Variants in P2RY12 observed in about 807,000 individuals in gnomAD.
The protein encoded by P2RY12 is P2Y purinoceptor 12.
In P2RY12, 3 loss-of-function variants were observed where a neutral mutation model predicts 4.5. That is an observed-to-expected ratio of 0.67 (90% CI 0.31 to 1.74). The LOEUF (loss-of-function observed/expected upper bound fraction) is 1.74, where lower values mean the gene tolerates loss of function less well. Among genes scored for constraint, P2RY12 ranks in the 40% most tolerant of loss-of-function variants. The pLI, the probability that P2RY12 is intolerant of heterozygous loss-of-function variation, is 0.09. For missense variants in P2RY12, 356 were observed against 407.8 expected (o/e 0.87, Z 1.09); for synonymous variants, 148 against 154.1 (o/e 0.96, Z 0.29).
intron 1 of P2RY12, among the ~76,000 whole-genome samples, chr3:151,343,581 G>A (rs1752148133): frequency 6.6e-6 from 1 of 152,154 alleles, no homozygotes; most frequent in African/African-American, 2.4e-5. Flanking sequence ...ATGAATAGAA[G>A]CAGAGCAAGT....
Position 151,338,443 on chromosome 3 carries a change from G to T in P2RY12, c.403C>A (p.Pro135Thr). 6.2e-7 allele frequency: 1 copy of T among 1,613,974 alleles called. No individual in the cohort carries two copies. Among genetic ancestry groups the T allele is most frequent in the Non-Finnish European group, 8.5e-7 (1 of 1,180,004 alleles). Residue 135 changes from proline to threonine, a missense_variant, in exon 3 of 3, where the codon CCC (proline) becomes ACC (threonine). Physicochemically the swap from Pro to Thr is conservative, Grantham distance 38. Coordinates refer to ENST00000302632, the MANE Select transcript of P2RY12 (RefSeq NM_022788.5). Reference protein sequence around the residue: ...KTTRPFKTSNPKNLLGAKILS... With the variant: ...KTTRPFKTSNTKNLLGAKILS... ...ATCTTAGCCCCCAAGAGATTTTTGG[G>T]GTTGGATGTTTTAAATGGCCTGGTG...
chr3:151,342,028 C>T (rs1211779951), intron 1 of P2RY12, among the ~76,000 whole-genome samples: 1 of 152,126 alleles, frequency 6.6e-6, no homozygotes, highest in African/African-American at 2.4e-5. Flanking sequence ...AATAGTGCCG[C>T]AATAAACATA....
intron 1 of P2RY12, among the ~76,000 whole-genome samples, chr3:151,345,517 C>CTTTTTTTTTTTTTTT (rs201731496): frequency 2.3e-5 from 3 of 131,642 alleles, no homozygotes; most frequent in Non-Finnish European, 3.3e-5. Flanking sequence ...TTTTCTTTTT[C>CTTTTTTTTTTTTTTT]TTTTTTTTTT....
intron 1 of P2RY12, chr3:151,380,185 G>A: frequency 6.2e-7 from 1 of 1,610,128 alleles, no homozygotes; most frequent in Non-Finnish European, 8.5e-7. Flanking sequence ...ATGAACAAAG[G>A]GAAGGCCTCC....
Position 151,350,232 on chromosome 3 carries a change from C to A in P2RY12, c.-179-9472G>T, listed in dbSNP as rs1753052957. 5 of 1,607,044 alleles carry A rather than the reference C, an allele frequency of 3.1e-6. 1 individual carries two copies. The highest frequency in any genetic ancestry group is 3.3e-4 in the Middle Eastern group (2 of 6,028). ...GTAAAGAACCTTAATGCATTTGCTCCCATTGTGTTGCCTTTTGCCTTCCCT... is the reference window on the plus strand; with the variant it reads ...GTAAAGAACCTTAATGCATTTGCTCACATTGTGTTGCCTTTTGCCTTCCCT... On this transcript the variant is annotated intron_variant, in intron 1 of 2. Coordinates refer to ENST00000302632, the MANE Select transcript of P2RY12 (RefSeq NM_022788.5).
chr3:151,368,624 T>C lies in P2RY12; in HGVS notation c.-180+16068A>G, dbSNP rs77846296. On this transcript the variant is annotated intron_variant, in intron 1 of 2. Transcript: ENST00000302632. Reference sequence around the variant, plus strand: ...TATTTTATTTTATTTTATTTTATTTTATTTTATTTCATTTCATTTCATTTC... The same window carrying C: ...TATTTTATTTTATTTTATTTTATTTCATTTTATTTCATTTCATTTCATTTC... Among the ~76,000 whole-genome samples, 233 of 85,498 alleles carry C rather than the reference T, an allele frequency of 2.7e-3. 7 individuals are homozygous for C. The East Asian group carries it at 0.041, about 15-fold the overall frequency. 56.1% of individuals were successfully genotyped at this position (85,498 alleles called of 152,430 possible). A position where few individuals can be genotyped will look rare whatever the true frequency, so the allele number is the denominator to read the frequency against.
chr3:151,367,790 C>A lies in P2RY12; in HGVS notation c.-180+16902G>T, dbSNP rs3732764. On this transcript the variant is annotated intron_variant, in intron 1 of 2. Transcript: ENST00000302632. ...AGGTAAGGCAGCATCCATGAACATC[C>A]GTTGCTCTTTGATTGTTGTCTTGAT... 0.7 allele frequency: 1,100,427 copies of A among 1,583,232 alleles called. 386,758 individuals are homozygous for A. Among genetic ancestry groups the A allele is most frequent in the African/African-American group, 0.89 (65,951 of 73,928 alleles).
intron 1 of P2RY12, among the ~76,000 whole-genome samples, chr3:151,374,421 G>A (rs1756572736): frequency 6.6e-6 from 1 of 152,136 alleles, no homozygotes; most frequent in Non-Finnish European, 1.5e-5. Context: ...GGTGGCACAT[G>A]CCTGTCATCC....
At chr3:151,375,836 AT>A (rs1017933956) in intron 1 of P2RY12, among the ~76,000 whole-genome samples, 2 of 151,986 alleles carry the variant, frequency 1.3e-5, no homozygotes, top group Non-Finnish European at 2.9e-5. Context: ...TCTACTTTGT[AT>A]TTTTTAGAAG....
chr3:151,346,491 C>A (rs575889944), intron 1 of P2RY12, among the ~76,000 whole-genome samples: 24 of 152,230 alleles, frequency 1.6e-4, no homozygotes, highest in Admixed American at 1.3e-3. Context: ...TTGTGCCCTG[C>A]CACTTAGAGA....
chr3:151,369,032 A>G (rs1372788766), intron 1 of P2RY12, among the ~76,000 whole-genome samples: 1 of 152,130 alleles, frequency 6.6e-6, no homozygotes, highest in Non-Finnish European at 1.5e-5. Context: ...AAGTGCTGGG[A>G]TTACAGGCGT....
rs548720826 is a variant in P2RY12 at position 151,349,125 on chromosome 3, T to A, written c.-179-8365A>T. ...TTATAAGATCCAAGAGAGAAATTGC[T>A]ATAGAAAGATTCAGAGCCAGGCACA... On this transcript the variant is annotated intron_variant, in intron 1 of 2. Coordinates refer to ENST00000302632, the MANE Select transcript of P2RY12 (RefSeq NM_022788.5). Among the ~76,000 whole-genome samples the A allele has an allele frequency of 2.0e-5, 3 of 152,374 alleles. No individual in the cohort carries two copies. The South Asian group carries it at 6.2e-4, about 32-fold the overall frequency.
chr3:151,380,252 G>A, intron 1 of P2RY12: 1 of 1,392,540 alleles, frequency 7.2e-7, no homozygotes, highest in Non-Finnish European at 1.0e-6. Context: ...ATTAAGACAG[G>A]CAAATATCTT....
chr3:151,374,211 C>T (rs1200572813), intron 1 of P2RY12, among the ~76,000 whole-genome samples: 1 of 143,480 alleles, frequency 7.0e-6, no homozygotes, highest in African/African-American at 2.7e-5. Flanking sequence ...ATGTGCTATC[C>T]AGCGCTTTGT....
At chr3:151,362,800 G>A (rs1754783927) in intron 1 of P2RY12, among the ~76,000 whole-genome samples, 1 of 152,130 alleles carries the variant, frequency 6.6e-6, no homozygotes, top group South Asian at 2.1e-4. Flanking sequence ...TATGAAATGG[G>A]TTAGGTTTCA....
chr3:151,355,263 A>C, intron 1 of P2RY12: 1 of 1,515,908 alleles, frequency 6.6e-7, no homozygotes. Context: ...GCTGTTTATT[A>C]TGCATTTGCA....
At chr3:151,346,156 G>A (rs975539296) in intron 1 of P2RY12, among the ~76,000 whole-genome samples, 1 of 152,078 alleles carries the variant, frequency 6.6e-6, no homozygotes, top group African/African-American at 2.4e-5. Context: ...ACCTCAAAAT[G>A]TCTTTTTATT....
At chr3:151,372,603 T>C in intron 1 of P2RY12, 2 of 1,613,902 alleles carry the variant, frequency 1.2e-6, no homozygotes, top group Non-Finnish European at 1.7e-6. Flanking sequence ...GTCAGCTCTT[T>C]AAAGAATGAT....
At chr3:151,373,997 A>G (rs1336781482) in intron 1 of P2RY12, among the ~76,000 whole-genome samples, 1 of 152,134 alleles carries the variant, frequency 6.6e-6, no homozygotes, top group African/African-American at 2.4e-5. Context: ...ATATGTAAAT[A>G]TATATATTTA....
Sources: allele counts gnomAD v4.1 joint callset (sites outside exome capture counted in the v4.1 genomes callset), GRCh38; gene constraint gnomAD v4.1.1; transcripts MANE v1.5; gene names NCBI Gene and HGNC (gene_info 2026-07-23, HGNC 2026-07-21).